RIMBP2: variants seen among roughly 807,000 people sequenced by gnomAD.
RIMBP2 encodes the protein RIMS-binding protein 2.
RIMBP2 carries 48 observed loss-of-function variants against 118.6 expected under a neutral mutation model. The observed-to-expected ratio is 0.40, with a 90% CI of 0.32 to 0.51. The LOEUF (loss-of-function observed/expected upper bound fraction) is 0.51. Among genes scored for constraint, RIMBP2 ranks in the 20% least tolerant of loss-of-function variants. The probability of loss-of-function intolerance (pLI) is 0.41; values close to 1 mark genes in which losing one functional copy is unlikely to be tolerated. For missense variants in RIMBP2, 1,551 were observed against 1,768.3 expected, an observed-to-expected ratio of 0.88 and a Z score of 2.20; for synonymous variants, 762 against 742.9, an observed-to-expected ratio of 1.03 and a Z score of -0.42.
intron 16 of RIMBP2, among the ~76,000 whole-genome samples, chr12:130,423,612 C>T (rs1399791509): frequency 1.9e-5 from 1 of 51,954 alleles, no homozygotes; most frequent in Non-Finnish European, 3.9e-5. Context: ...ACTGTGGGCA[C>T]AGAAAAGAAA....
In RIMBP2 at chr12:130,477,965, A is replaced by T. The variant is rs181156453; in HGVS notation, c.102+947T>A. On this transcript the variant is annotated intron_variant, in intron 5 of 22. Coordinates refer to ENST00000690449, the MANE Select transcript of RIMBP2 (RefSeq NM_001393629.1). ...GGTGGGGACACTGGGCTCTGGAAGG[A>T]AATGAGATGAGACCTGTTCACAGGT... Among the ~76,000 whole-genome samples the T allele has an allele frequency of 1.2e-3, 181 of 152,288 alleles. 1 individual carries two copies. Among genetic ancestry groups the T allele is most frequent in the Admixed American group, 0.012 (177 of 15,304 alleles).
At chr12:130,503,837 A>C (rs1374574592) in intron 4 of RIMBP2, among the ~76,000 whole-genome samples, 1 of 152,224 alleles carries the variant, frequency 6.6e-6, no homozygotes, top group Non-Finnish European at 1.5e-5. Flanking sequence ...GGTATATCTT[A>C]GTTCTTTCTT....
chr12:130,640,526 A>G (rs998044470), intron 1 of RIMBP2, among the ~76,000 whole-genome samples: 3 of 152,240 alleles, frequency 2.0e-5, no homozygotes, highest in Non-Finnish European at 4.4e-5. Context: ...AACCACAGCC[A>G]ACATTTTGAG....
chr12:130,525,317 A>G lies in RIMBP2; in HGVS notation c.-216-7400T>C, dbSNP rs549407648. 6.6e-6 allele frequency among the ~76,000 whole-genome samples: 1 copy of G among 152,290 alleles called. No homozygotes were observed. Among genetic ancestry groups the G allele is most frequent in the South Asian group, 2.1e-4 (1 of 4,828 alleles). ...TGCGGGCATCTCCGTGACCTCCAGG[A>G]GAGGCTCTGGTGATGGGATAAGCAG... On this transcript the variant is annotated intron_variant, in intron 2 of 22. Transcript: ENST00000690449. This position sits in a 1 kb window ranked among gnomAD's most constrained non-coding sequence, Gnocchi z 4.4.
rs980230678 is a variant in RIMBP2, at chr12:130,413,840, C to G, written c.3420+285G>C. Among the ~76,000 whole-genome samples, 42 of 152,158 alleles carry G rather than the reference C, an allele frequency of 2.8e-4. 1 individual carries two copies. Among genetic ancestry groups the G allele is most frequent in the South Asian group, 1.2e-3 (6 of 4,810 alleles). On this transcript the variant is annotated intron_variant, in intron 18 of 22. Coordinates refer to ENST00000690449, the MANE Select transcript of RIMBP2 (RefSeq NM_001393629.1). ...ACAAGTGTTGTTTTAAAATTTGGAG[C>G]CTGTGTTATTTTTCTCAACAACGTA...
At chr12:130,520,731 C>T (rs1044335865) in intron 2 of RIMBP2, among the ~76,000 whole-genome samples, 3 of 151,530 alleles carry the variant, frequency 2.0e-5, no homozygotes, top group Admixed American at 2.0e-4. Flanking sequence ...ACTAACGACC[C>T]CCTACCTCAC....
At position 130,424,747 on chromosome 12, in the gene RIMBP2, C is replaced by T. The variant is rs1266821346; in HGVS notation, c.2524G>A (p.Gly842Arg). ...TTGTGTAGCAGCCCACAGCACTCTC[C>T]GTCCTCTTCCGCTACTTCGGGGATA... The part of the protein sequence containing the change: ...FSIPEVAEED[G>R]ECCGLLHKQG... The change falls in exon 16 of 23, where the codon GGA becomes AGA. Residue 842 changes from glycine (G) to arginine (R), a missense_variant. Transcript: ENST00000690449. This position sits in a 1 kb window ranked among gnomAD's most constrained non-coding sequence, Gnocchi z 9.8. The T allele has an allele frequency of 8.9e-6, 11 of 1,232,230 alleles. No homozygotes were observed. The South Asian group carries it at 1.2e-4, about 14-fold the overall frequency. 76.3% of individuals were successfully genotyped at this position (1,232,230 alleles called of 1,614,324 possible).
intron 2 of RIMBP2, among the ~76,000 whole-genome samples, chr12:130,552,387 A>G (rs1293505817): frequency 6.6e-6 from 1 of 152,274 alleles, no homozygotes; most frequent in Non-Finnish European, 1.5e-5. Flanking sequence ...AATTTATAAA[A>G]GAAAATTAGT....
chr12:130,600,001 G>A (rs748721934), intron 2 of RIMBP2, among the ~76,000 whole-genome samples: 8 of 152,038 alleles, frequency 5.3e-5, no homozygotes, highest in African/African-American at 1.4e-4. Flanking sequence ...GAATGTAACC[G>A]TCTGTCTCTT....
At chr12:130,600,555 T>G (rs941191231) in intron 2 of RIMBP2, among the ~76,000 whole-genome samples, 49 of 152,150 alleles carry the variant, frequency 3.2e-4, no homozygotes, top group African/African-American at 1.2e-3. Flanking sequence ...GCCAGAAGGA[T>G]GTCAGCCCCA....
chr12:130,471,278 A>G (rs1322016284), intron 5 of RIMBP2, among the ~76,000 whole-genome samples: 1 of 152,222 alleles, frequency 6.6e-6, no homozygotes, highest in East Asian at 1.9e-4. Flanking sequence ...TCACTACAGA[A>G]ATGTCTCGGG....
At chr12:130,678,652 G>C (rs1186377358) in intron 1 of RIMBP2, among the ~76,000 whole-genome samples, 1 of 152,132 alleles carries the variant, frequency 6.6e-6, no homozygotes, top group Non-Finnish European at 1.5e-5. Flanking sequence ...AGAATAGTTG[G>C]GACTACAGGC....
chr12:130,478,125 C>T (rs2081603654), intron 5 of RIMBP2, among the ~76,000 whole-genome samples: 1 of 152,156 alleles, frequency 6.6e-6, no homozygotes, highest in East Asian at 1.9e-4. Context: ...TTTCTCAGTC[C>T]CCAGACCCAT....
chr12:130,646,936 C>T (rs1010473133), intron 1 of RIMBP2, among the ~76,000 whole-genome samples: 5 of 152,248 alleles, frequency 3.3e-5, no homozygotes, highest in African/African-American at 9.6e-5. Context: ...TGCACCTGCT[C>T]CCCATCTCCT....
chr12:130,594,683 AG>A (rs572370658), intron 2 of RIMBP2, among the ~76,000 whole-genome samples: 6 of 151,718 alleles, frequency 4.0e-5, no homozygotes, highest in African/African-American at 7.3e-5. Context: ...GCTTGTTTTA[AG>A]GGGGGGGTGT....
At chr12:130,485,729 A>ACAGCTC (rs937552845) in intron 4 of RIMBP2, among the ~76,000 whole-genome samples, 74 of 152,292 alleles carry the variant, frequency 4.9e-4, no homozygotes, top group African/African-American at 1.5e-3. Flanking sequence ...AGGCACCGAA[A>ACAGCTC]CAGCTCCGGG....
chr12:130,587,829 T>TA (rs374788301), intron 2 of RIMBP2, among the ~76,000 whole-genome samples: 28,132 of 121,072 alleles, frequency 0.23, 3,078 homozygotes, highest in East Asian at 0.45. Context: ...TAAAGTATAA[T>TA]AAAAAAAAAA....
At chr12:130,645,675 A>G (rs1477716028) in intron 1 of RIMBP2, among the ~76,000 whole-genome samples, 1 of 152,204 alleles carries the variant, frequency 6.6e-6, no homozygotes, top group Non-Finnish European at 1.5e-5. Context: ...GAGCAGAGAG[A>G]AGGATGAGAA....
intron 1 of RIMBP2, among the ~76,000 whole-genome samples, chr12:130,636,371 T>C (rs891308617): frequency 2.0e-5 from 3 of 152,192 alleles, no homozygotes; most frequent in African/African-American, 7.2e-5. Flanking sequence ...CACGTGGAGA[T>C]TGGCGGTTGT....
Sources: gnomAD v4.1 joint callset for allele counts (sites outside exome capture counted in the v4.1 genomes callset) on GRCh38, gnomAD v4.1.1 for gene constraint, Gnocchi (gnomAD v3.1) non-coding constraint, MANE v1.5 for transcripts, NCBI Gene and HGNC (gene_info 2026-07-23, HGNC 2026-07-21) for gene names.